Variants in ZIM2 observed in about 807,000 individuals in gnomAD.
The protein encoded by ZIM2 is zinc finger protein 656.
ZIM2 carries 14 observed loss-of-function variants against 38.6 expected under a neutral mutation model. The ratio of observed to expected loss-of-function variants is 0.36; its 90% CI spans 0.24 to 0.57. The LOEUF (loss-of-function observed/expected upper bound fraction) is 0.57. ZIM2 is among the 20% of genes least tolerant of loss of function. The probability of loss-of-function intolerance (pLI) is 0.81; values close to 1 mark genes in which losing one functional copy is unlikely to be tolerated. For missense variants in ZIM2, 680 were observed against 695.1 expected (o/e 0.98, Z 0.24); for synonymous variants, 247 against 245.8 (o/e 1.00, Z -0.04).
chr19:56,821,609 A>T, intron 7 of ZIM2, 42 bp downstream of exon 7: 1 of 1,607,856 alleles, frequency 6.2e-7, no homozygotes, highest in Non-Finnish European at 8.5e-7. Flanking sequence ...CTGCCATGAA[A>T]TGAAGATGGC....
At chr19:56,817,303 G>A in intron 9 of ZIM2, 1 of 1,614,128 alleles carries the variant, frequency 6.2e-7, no homozygotes, top group Non-Finnish European at 8.5e-7. Flanking sequence ...GGAAACAAGG[G>A]TTGAATTAAA....
chr19:56,829,051 A>C (rs570482596), intron 2 of ZIM2, among the ~76,000 whole-genome samples: 40 of 152,328 alleles, frequency 2.6e-4, no homozygotes, highest in African/African-American at 8.2e-4. Context: ...AAGAAAAAAA[A>C]GCTAAAAAGT....
In ZIM2 at chr19:56,808,026, A is replaced by G. The variant is rs555138647; in HGVS notation, c.490+9720T>C. The stretch of plus-strand genomic sequence containing the variant: ...TAGACTGCCTTTTCTCAGTGTGGCC[A>G]TAAGAATGACTGGGCTTTGAACACC... On this transcript the variant is annotated intron_variant, in intron 9 of 12. Transcript: ENST00000629319. 3.9e-5 allele frequency among the ~76,000 whole-genome samples: 6 copies of G among 152,324 alleles called. No homozygotes were observed. In the South Asian group the frequency reaches 6.2e-4, roughly 16 times the overall value.
In ZIM2 at chr19:56,774,969, C is replaced by T. The variant is rs768679487; in HGVS notation, c.1396G>A (p.Glu466Lys). 26 of 1,614,092 alleles carry T rather than the reference C, an allele frequency of 1.6e-5. No homozygotes were observed. Among genetic ancestry groups the T allele is most frequent in the Non-Finnish European group, 2.1e-5 (25 of 1,180,034 alleles). ...VHLLQHLKAH[E>K]AARVLPPGLS... ...CCAGGAGGAAGGACTCTTGCTGCCT[C>T]ATGGGCTTTGAGATGTTGAAGAAGA... Residue 466 changes from glutamate to lysine, a missense_variant, in exon 13 of 13, where the codon GAG becomes AAG. By Grantham distance (56) the Glu-to-Lys change is moderately conservative. Transcript: ENST00000629319.
intron 9 of ZIM2, among the ~76,000 whole-genome samples, chr19:56,795,209 G>A (rs1021773798): frequency 2.0e-4 from 30 of 152,124 alleles, no homozygotes; most frequent in Middle Eastern, 3.2e-3. Flanking sequence ...GCCCACCAGC[G>A]CAGAGCCGTC....
intron 9 of ZIM2, chr19:56,817,321 C>T: frequency 6.2e-7 from 1 of 1,614,112 alleles, no homozygotes. Context: ...AAACCTAAAG[C>T]CTCCCCTAAA....
chr19:56,838,135 C>T (rs959186348), intron 1 of ZIM2, among the ~76,000 whole-genome samples: 1 of 152,144 alleles, frequency 6.6e-6, no homozygotes, highest in Non-Finnish European at 1.5e-5. Context: ...ATGCAGACCC[C>T]GTCAGTCACT....
intron 10 of ZIM2, among the ~76,000 whole-genome samples, chr19:56,785,950 G>A (rs2046575857): frequency 6.6e-6 from 1 of 152,060 alleles, no homozygotes; most frequent in South Asian, 2.1e-4. Flanking sequence ...TCACAGAGTT[G>A]TGCAACCATC....
chr19:56,811,550 TG>T (rs1438092073), intron 9 of ZIM2: 1 of 985,198 alleles, frequency 1.0e-6, no homozygotes, highest in Non-Finnish European at 1.2e-6. Context: ...AGCTGAAGGT[TG>T]GAACGGACAC....
At chr19:56,808,275 CTTTG>C (rs2047856854) in intron 9 of ZIM2, among the ~76,000 whole-genome samples, 1 of 152,134 alleles carries the variant, frequency 6.6e-6, no homozygotes, top group Admixed American at 6.5e-5. Context: ...CACCCTTTGG[CTTTG>C]TGGAAGAAAC....
At chr19:56,782,512 C>A in intron 10 of ZIM2, 1 of 448,980 alleles carries the variant, frequency 2.2e-6, no homozygotes, top group South Asian at 1.6e-5. Flanking sequence ...AATATTCAAT[C>A]TTGTTAATAA....
At position 56,823,583 on chromosome 19, in the gene ZIM2, T is replaced by C. The variant is rs756483823; in HGVS notation, c.106+7A>G. 3 of 1,614,022 alleles carry C rather than the reference T, an allele frequency of 1.9e-6. No homozygotes were observed. The South Asian group carries it at 3.3e-5, about 18-fold the overall frequency. On this transcript the variant is annotated splice_region_variant and intron_variant, in intron 5 of 12. Coordinates refer to ENST00000629319, the MANE Select transcript of ZIM2 (RefSeq NM_001387356.1). ...CCCATGGGTGACCAGTGGGGATGGG[T>C]ACTCACCACTGAAAGAATGGACTGA...
At chr19:56,833,379 G>A in intron 2 of ZIM2, 1 of 352,136 alleles carries the variant, frequency 2.8e-6, no homozygotes, top group South Asian at 2.1e-5. Context: ...GTGGTGTGTG[G>A]TCTCGTCTCT....
chr19:56,787,501 C>G (rs1239621982), intron 10 of ZIM2, among the ~76,000 whole-genome samples: 2 of 152,160 alleles, frequency 1.3e-5, no homozygotes, highest in East Asian at 3.9e-4. Flanking sequence ...GTCTCGAACT[C>G]CTGACCTCAG....
chr19:56,840,019 G>A (rs939452897), intron 1 of ZIM2, among the ~76,000 whole-genome samples: 1 of 152,160 alleles, frequency 6.6e-6, no homozygotes, highest in Non-Finnish European at 1.5e-5. Context: ...CCACCACTGC[G>A]GCAAACAAGC....
intron 9 of ZIM2, among the ~76,000 whole-genome samples, chr19:56,802,053 C>A (rs1305397068): frequency 6.6e-6 from 1 of 152,120 alleles, no homozygotes; most frequent in Non-Finnish European, 1.5e-5. Context: ...GGGGGAGGAT[C>A]ACTGGAAAAG....
intron 2 of ZIM2, chr19:56,833,745 T>A (rs970754375): frequency 1.3e-5 from 2 of 155,082 alleles, no homozygotes; most frequent in African/African-American, 4.8e-5. Context: ...CTCTAAGGTA[T>A]CCAGTCTGGT....
At position 56,839,577 on chromosome 19, in the gene ZIM2, A is replaced by C. The variant is rs112234833; in HGVS notation, c.-314+1005T>G. Reference sequence around the variant, plus strand: ...CAAAGCGGGCGGGGCCTGAGTGGATAGTTACCCAATCACTTCAGCCTTGCC... The same window carrying C: ...CAAAGCGGGCGGGGCCTGAGTGGATCGTTACCCAATCACTTCAGCCTTGCC... On this transcript the variant is annotated intron_variant, in intron 1 of 12. Transcript: ENST00000629319. Among the ~76,000 whole-genome samples the C allele has an allele frequency of 3.1e-3, 462 of 147,936 alleles. 1 individual carries two copies. The highest frequency in any genetic ancestry group is 0.01 in the African/African-American group (410 of 40,068).
chr19:56,823,551 G>A lies in ZIM2; in HGVS notation c.106+39C>T, dbSNP rs1316141506. 3.1e-6 allele frequency: 5 copies of A among 1,612,818 alleles called. No individual in the cohort carries two copies. In the East Asian group the frequency reaches 6.7e-5, roughly 22 times the overall value. ...TGTCTCCATCTGGAAGCATCTGGCA[G>A]CGCCTGCCCATGGGTGACCAGTGGG... is the stretch of plus-strand genomic sequence containing the variant. On this transcript the variant is annotated intron_variant, in intron 5 of 12. Transcript: ENST00000629319.
Sources: gnomAD v4.1 joint callset for allele counts (sites outside exome capture counted in the v4.1 genomes callset) on GRCh38, gnomAD v4.1.1 for gene constraint, MANE v1.5 for transcripts, NCBI Gene and HGNC (gene_info 2026-07-23, HGNC 2026-07-21) for gene names.